The following EP300 variants were observed in gnomAD, a reference collection of about 807,000 sequenced individuals.
The protein encoded by EP300 is EP300 lysine acetyltransferase, also known as histone acetyltransferase p300.
EP300 carries 31 observed loss-of-function variants against 264.0 expected under a neutral mutation model. The ratio of observed to expected loss-of-function variants is 0.12; its 90% CI spans 0.09 to 0.16. The LOEUF (loss-of-function observed/expected upper bound fraction) is 0.16, where lower values mean the gene tolerates loss of function less well. Among genes scored for constraint, EP300 ranks in the 10% least tolerant of loss-of-function variants. The probability of loss-of-function intolerance (pLI) is 1.00; values close to 1 mark genes in which losing one functional copy is unlikely to be tolerated. For missense variants in EP300, 2,766 were observed against 3,052.9 expected (o/e 0.91, Z 2.21); for synonymous variants, 1,340 against 1,045.4 (o/e 1.28, Z -5.44).
Position 41,178,508 on chromosome 22 carries a change from A to C in EP300, c.6797A>C (p.Gln2266Pro), listed in dbSNP as rs1192149090. 6.2e-7 allele frequency: 1 copy of C among 1,601,936 alleles called. No homozygotes were observed. Among genetic ancestry groups the C allele is most frequent in the South Asian group, 1.1e-5 (1 of 90,970 alleles). ...CAGGCCTATCAGCAGCGACTCCTTCAGCAACAGATGGGGTCCCCTGTTCAG... is the reference window on the plus strand; with the variant it reads ...CAGGCCTATCAGCAGCGACTCCTTCCGCAACAGATGGGGTCCCCTGTTCAG... ...SLQAYQQRLL[Q>P]QQMGSPVQPN... The change falls in exon 31 of 31, where the codon CAG becomes CCG. Residue 2266 changes from glutamine (Q) to proline (P), a missense_variant. By Grantham distance (76) the Gln-to-Pro change is moderately conservative (BLOSUM62 -1). Coordinates refer to ENST00000263253, the MANE Select transcript of EP300 (RefSeq NM_001429.4).
rs2059115243 is a variant in EP300, at chr22:41,162,849, TG to T, written c.3728+71del. 6 of 1,290,228 alleles carry T rather than the reference TG, an allele frequency of 4.7e-6. No individual in the cohort carries two copies. In the East Asian group the frequency reaches 1.4e-4, roughly 30 times the overall value. 79.9% of individuals were successfully genotyped at this position (1,290,228 alleles called of 1,614,324 possible). On this transcript the variant is annotated intron_variant, in intron 21 of 30. Coordinates refer to ENST00000263253, the MANE Select transcript of EP300 (RefSeq NM_001429.4). ...TTTTCCCTTTCATTCTCTTGAAGTT[TG>T]CATGACCAATCAGATGATCCTATAT...
intron 2 of EP300, among the ~76,000 whole-genome samples, chr22:41,120,300 G>A (rs867036921): frequency 1.3e-5 from 2 of 151,930 alleles, no homozygotes; most frequent in Admixed American, 6.6e-5. Context: ...CAGCAACATA[G>A]TGAGACCCCC....
At position 41,178,360 on chromosome 22, in the gene EP300, G is replaced by A. The variant is rs368554118; in HGVS notation, c.6649G>A (p.Val2217Ile). The stretch of plus-strand genomic sequence containing the variant: ...TAACCAGTTCCAGCAACCCCAAGGA[G>A]TTGGCTACCCACCACAGCAGCAGCA... ...NHNQFQQPQG[V>I]GYPPQQQQRM... The change falls in exon 31 of 31, where the codon GTT (valine) becomes ATT (isoleucine). Residue 2217 changes from valine (V) to isoleucine (I), a missense_variant. By Grantham distance (29) the Val-to-Ile change is conservative. Transcript: ENST00000263253. The A allele has an allele frequency of 9.3e-6, 15 of 1,614,032 alleles. No homozygotes were observed. In the African/African-American group the frequency reaches 1.5e-4, roughly 16 times the overall value.
intron 8 of EP300, among the ~76,000 whole-genome samples, chr22:41,138,877 C>T (rs550689507): frequency 4.6e-5 from 7 of 152,178 alleles, no homozygotes; most frequent in South Asian, 2.1e-4. Flanking sequence ...CAATTATATA[C>T]GTTTCATTTA....
At chr22:41,172,346 A>G (rs942142638) in intron 27 of EP300, among the ~76,000 whole-genome samples, 153 bp from the exon 28 acceptor site, 15 of 152,198 alleles carry the variant, frequency 9.9e-5, no homozygotes, top group Non-Finnish European at 5.9e-5. Context: ...TTATTTTTCT[A>G]AATACTCCCT....
At chr22:41,118,913 A>G (rs565159947) in intron 2 of EP300, among the ~76,000 whole-genome samples, 2 of 150,272 alleles carry the variant, frequency 1.3e-5, no homozygotes, top group Non-Finnish European at 3.0e-5. Flanking sequence ...AAAACCTTAA[A>G]TTTTTTTTTG....
intron 1 of EP300, among the ~76,000 whole-genome samples, chr22:41,108,528 C>T (rs1394382918): frequency 6.6e-6 from 1 of 152,092 alleles, no homozygotes; most frequent in African/African-American, 2.4e-5. Context: ...GGATTATAGG[C>T]GTGAGCCACG....
At position 41,177,318 on chromosome 22, in the gene EP300, C is replaced by CCAGCCCACTTCTCAGCCT. The variant is rs1467959562; in HGVS notation, c.5613_5630dup (p.Ser1873_Thr1878dup). 6.2e-7 allele frequency: 1 copy of CCAGCCCACTTCTCAGCCT among 1,614,052 alleles called. No homozygotes were observed. ...AACAGCCAACCACCCCGCAGACGCC[C>CCAGCCCACTTCTCAGCCT]CAGCCCACTTCTCAGCCTCAGCCTA... On this transcript the variant is annotated inframe_insertion, in exon 31 of 31. Coordinates refer to ENST00000263253, the MANE Select transcript of EP300 (RefSeq NM_001429.4).
At position 41,146,682 on chromosome 22, in the gene EP300, T is replaced by G. The variant is rs2059012160; in HGVS notation, c.2054-57T>G. On this transcript the variant is annotated intron_variant, in intron 10 of 30. Transcript: ENST00000263253. ...TGTGGGGTTTGTGTGTGCAGTGAGT[T>G]TTTGTTTGGTTAAGGGAAGATGGTG... The G allele has an allele frequency of 3.9e-6, 6 of 1,519,336 alleles. No individual in the cohort carries two copies. The Admixed American group carries it at 8.4e-5, about 21-fold the overall frequency. The allele number at this position is 1,519,336 out of a possible 1,614,324, so 94.1% of individuals were successfully genotyped here.
At chr22:41,175,941 C>A in intron 29 of EP300, 2 of 409,762 alleles carry the variant, frequency 4.9e-6, no homozygotes, top group Non-Finnish European at 9.1e-6. Context: ...GGTGCTCAGC[C>A]TGCTGTACCT....
chr22:41,092,924 G>T lies in EP300; in HGVS notation c.-81G>T. ...GGAGCCCCCCAGCCCACCCCTGGGT[G>T]CGGCGCGGGGACCCCGGGCCGAAGA... On this transcript the variant is annotated 5_prime_UTR_variant, in exon 1 of 31. Transcript: ENST00000263253. 1 of 1,507,282 alleles carries T rather than the reference G, an allele frequency of 6.6e-7. No individual in the cohort carries two copies. Among genetic ancestry groups the T allele is most frequent in the South Asian group, 1.1e-5 (1 of 88,988 alleles). The allele number at this position is 1,507,282 out of a possible 1,614,324, so 93.4% of individuals were successfully genotyped here. A position where few individuals can be genotyped will look rare whatever the true frequency, so the allele number is the denominator to read the frequency against.
At position 41,172,423 on chromosome 22, in the gene EP300, C is replaced by T. The variant is rs117677771; in HGVS notation, c.4453-76C>T. The T allele has an allele frequency of 8.0e-3, 10,509 of 1,314,960 alleles. 59 individuals carry two copies. Among genetic ancestry groups the T allele is most frequent in the Non-Finnish European group, 9.8e-3 (9,037 of 921,090 alleles). The allele number at this position is 1,314,960 out of a possible 1,614,324, so 81.5% of individuals were successfully genotyped here. On this transcript the variant is annotated intron_variant, in intron 27 of 30. Transcript: ENST00000263253. ...CATTTTAAGCTTTCATGTTTCTTGT[C>T]AGCCATGATTATTCTGTATAATCAA...
intron 10 of EP300, among the ~76,000 whole-genome samples, chr22:41,144,645 C>T (rs1259675438): frequency 6.6e-6 from 1 of 151,820 alleles, no homozygotes; most frequent in Non-Finnish European, 1.5e-5. Flanking sequence ...GTGTGACCCA[C>T]TGCGCCCAGC....
chr22:41,169,371 ATGAGC>A, intron 25 of EP300, 127 bp from the exon 26 acceptor site: 1 of 707,136 alleles, frequency 1.4e-6, no homozygotes, highest in Middle Eastern at 3.7e-4. Context: ...CCTGCCTGTG[ATGAGC>A]TTCACAAATA....
chr22:41,093,259 C>T (rs574137802), intron 1 of EP300, among the ~76,000 whole-genome samples, 161 bp downstream of exon 1: 90 of 152,208 alleles, frequency 5.9e-4, no homozygotes, highest in Non-Finnish European at 1.1e-3. Flanking sequence ...TCCAGTAGCC[C>T]AACCATTTTC....
At position 41,157,247 on chromosome 22, in the gene EP300, C is replaced by T. The variant is rs747691752; in HGVS notation, c.3340C>T (p.Pro1114Ser). 6.2e-7 allele frequency: 1 copy of T among 1,614,122 alleles called. No individual in the cohort carries two copies. Among genetic ancestry groups the T allele is most frequent in the Non-Finnish European group, 8.5e-7 (1 of 1,180,030 alleles). Residue 1114 changes from proline (P) to serine (S), a missense_variant, in exon 18 of 31, where the codon CCC becomes TCC. Transcript: ENST00000263253. ...GTTAGACACTGGACAGTATCAGGAG[C>T]CCTGGCAGTATGTCGATGATATTTG... The part of the protein sequence containing the change: ...RKLDTGQYQE[P>S]WQYVDDIWLM...
intron 8 of EP300, 62 bp downstream of exon 8, chr22:41,137,852 C>G (rs1462711580): frequency 7.5e-6 from 12 of 1,609,570 alleles, no homozygotes; most frequent in African/African-American, 1.3e-5. Context: ...TGTTTTCAAT[C>G]TCCTGGGCAT....
chr22:41,093,198 C>A (rs1037968423), intron 1 of EP300, 100 bp downstream of exon 1: 26 of 1,161,228 alleles, frequency 2.2e-5, no homozygotes, highest in Admixed American at 8.6e-5. Context: ...CTCTCTAGTT[C>A]CCTGCCCCTT....
intron 1 of EP300, among the ~76,000 whole-genome samples, chr22:41,113,807 A>G (rs1337506850): frequency 6.6e-6 from 1 of 152,136 alleles, no homozygotes; most frequent in Non-Finnish European, 1.5e-5. Flanking sequence ...CGGCCTCCCA[A>G]AGTGCTGGGA....
Sources: gnomAD v4.1 joint callset for allele counts (sites outside exome capture counted in the v4.1 genomes callset) on GRCh38, gnomAD v4.1.1 for gene constraint, MANE v1.5 for transcripts, NCBI Gene and HGNC (gene_info 2026-07-23, HGNC 2026-07-21) for gene names.